The following OCLN variants were observed in gnomAD, a reference collection of about 807,000 sequenced individuals.
The protein encoded by OCLN is phosphatase 1, regulatory subunit 115.
In OCLN, 21 loss-of-function variants were observed where a neutral mutation model predicts 47.9. That is an observed-to-expected ratio of 0.44 (90% confidence interval 0.31 to 0.63). The LOEUF (loss-of-function observed/expected upper bound fraction) is 0.63. Among genes scored for constraint, OCLN ranks in the 30% least tolerant of loss-of-function variants. The probability of loss-of-function intolerance (pLI) is 0.08; values close to 1 mark genes in which losing one functional copy is unlikely to be tolerated. For missense variants in OCLN, 360 were observed against 571.0 expected, an observed-to-expected ratio of 0.63 and a Z score of 3.77; for synonymous variants, 117 against 198.4, an observed-to-expected ratio of 0.59 and a Z score of 3.45.
chr5:69,533,951 C>T (rs562635063), intron 4 of OCLN, among the ~76,000 whole-genome samples: 11 of 152,312 alleles, frequency 7.2e-5, no homozygotes, highest in South Asian at 2.1e-4. Context: ...TGAGCCACCG[C>T]GCCCGGCCTA....
chr5:69,496,883 C>G (rs541272620), intron 1 of OCLN, among the ~76,000 whole-genome samples: 1 of 152,204 alleles, frequency 6.6e-6, no homozygotes, highest in Admixed American at 6.5e-5. Flanking sequence ...TCTAATTTAG[C>G]TGTCTGACTT....
At chr5:69,513,735 G>A (rs758587450) in intron 3 of OCLN, among the ~76,000 whole-genome samples, 3 of 151,894 alleles carry the variant, frequency 2.0e-5, no homozygotes, top group Non-Finnish European at 2.9e-5. Context: ...CAGTATGTAC[G>A]TGTGTGTACA....
chr5:69,504,259 T>G lies in OCLN; in HGVS notation c.15T>G (p.Pro5=), dbSNP rs774694581. 1 of 1,609,852 alleles carries G rather than the reference T, an allele frequency of 6.2e-7. No homozygotes were observed. Among genetic ancestry groups the G allele is most frequent in the Admixed American group, 1.7e-5 (1 of 60,022 alleles). Residue 5 remains proline, a synonymous_variant, in exon 2 of 9, where the codon CCT becomes CCG. Transcript: ENST00000396442. ...GACAATCAGCCATGTCATCCAGGCC[T>G]CTTGAAAGTCCACCTCCTTACAGGC... is the stretch of plus-strand genomic sequence containing the variant. MSSR[P]LESPPPYRPD... is the part of the protein sequence containing the mutation.
chr5:69,495,994 A>G (rs1203147141), intron 1 of OCLN, among the ~76,000 whole-genome samples: 1 of 152,192 alleles, frequency 6.6e-6, no homozygotes, highest in Non-Finnish European at 1.5e-5. Context: ...TAAAAATACA[A>G]TTTCTGACAC....
At chr5:69,502,196 C>CA (rs575237563) in intron 1 of OCLN, among the ~76,000 whole-genome samples, 2,650 of 74,424 alleles carry the variant, frequency 0.036, 32 homozygotes, top group Middle Eastern at 0.082. Context: ...AGACTCGGCT[C>CA]AAAAAAAAAA....
In OCLN at chr5:69,509,340, GC is replaced by G. The variant is rs863225128; in HGVS notation, c.252del (p.Ser85ProfsTer14). On this transcript the variant is annotated frameshift_variant, in exon 3 of 9. Transcript: ENST00000396442. LOFTEE classifies it high-confidence loss of function. ...VMCIAIFACV[A>X]STLAWDRGYG... ...GTGCATTGCCATCTTTGCCTGTGTG[GC>G]CTCCACGCTTGCCTGGGACAGAGGC... is the stretch of plus-strand genomic sequence containing the variant. 6.2e-7 allele frequency: 1 copy of G among 1,614,172 alleles called. No individual in the cohort carries two copies. Among genetic ancestry groups the G allele is most frequent in the South Asian group, 1.1e-5 (1 of 91,082 alleles).
At chr5:69,535,767 C>T (rs1359617256) in intron 5 of OCLN, among the ~76,000 whole-genome samples, 2 of 149,424 alleles carry the variant, frequency 1.3e-5, no homozygotes, top group Admixed American at 6.7e-5. Context: ...CTCTAGGCAG[C>T]GGTAATACAG....
chr5:69,548,267 G>C (rs1316112686), intron 7 of OCLN, among the ~76,000 whole-genome samples, 166 bp downstream of exon 7: 1 of 140,096 alleles, frequency 7.1e-6, no homozygotes, highest in African/African-American at 2.6e-5. Context: ...TTTCCTAATA[G>C]AAGATTGTAC....
intron 4 of OCLN, among the ~76,000 whole-genome samples, chr5:69,529,668 A>G (rs112124394): frequency 0.082 from 12,417 of 151,912 alleles, 1,677 homozygotes; most frequent in African/African-American, 0.28. Flanking sequence ...CAGTGGTGCA[A>G]TCTCGGCACA....
intron 4 of OCLN, among the ~76,000 whole-genome samples, chr5:69,524,736 G>A (rs577526332): frequency 1.1e-4 from 17 of 152,284 alleles, no homozygotes; most frequent in Non-Finnish European, 2.1e-4. Context: ...GCCTGGGCTG[G>A]AATGTAGTGG....
intron 7 of OCLN, among the ~76,000 whole-genome samples, chr5:69,548,842 C>T (rs1162149745): frequency 6.6e-6 from 1 of 150,480 alleles, no homozygotes; most frequent in Non-Finnish European, 1.5e-5. Flanking sequence ...ACCTGTAATC[C>T]CAGCTACTCG....
At chr5:69,525,131 G>T (rs1438741351) in intron 4 of OCLN, among the ~76,000 whole-genome samples, 1 of 151,488 alleles carries the variant, frequency 6.6e-6, no homozygotes, top group African/African-American at 2.4e-5. Context: ...TTGAGACAGG[G>T]TCTCGCTCTG....
At position 69,504,205 on chromosome 5, in the gene OCLN, T is replaced by C; in HGVS notation, c.-40T>C. On this transcript the variant is annotated 5_prime_UTR_variant, in exon 2 of 9. Transcript: ENST00000396442. ...GGTTTATCTTGGAAGCTAAAGGGCA[T>C]TGCTCATCCTGAAGATCAGCTGACC... is the stretch of plus-strand genomic sequence containing the variant. 6.8e-7 allele frequency: 1 copy of C among 1,465,412 alleles called. No homozygotes were observed. Among genetic ancestry groups the C allele is most frequent in the South Asian group, 1.1e-5 (1 of 88,040 alleles). 90.8% of individuals were successfully genotyped at this position (1,465,412 alleles called of 1,614,324 possible).
At chr5:69,501,472 A>G (rs1032332017) in intron 1 of OCLN, among the ~76,000 whole-genome samples, 9 of 152,230 alleles carry the variant, frequency 5.9e-5, no homozygotes, top group Admixed American at 4.6e-4. Context: ...TCTACTAAAA[A>G]TACAAAAATT....
intron 3 of OCLN, among the ~76,000 whole-genome samples, chr5:69,511,812 G>A (rs1324716200): frequency 2.0e-5 from 3 of 152,054 alleles, no homozygotes; most frequent in Non-Finnish European, 4.4e-5. Flanking sequence ...ATCACCTGAG[G>A]TCAGGAGTTC....
intron 7 of OCLN, among the ~76,000 whole-genome samples, chr5:69,550,361 T>G (rs1158288522): frequency 6.8e-6 from 1 of 146,030 alleles, no homozygotes; most frequent in African/African-American, 2.5e-5. Context: ...CTGACTAATT[T>G]TTGTATTTTT....
intron 3 of OCLN, among the ~76,000 whole-genome samples, chr5:69,512,666 T>C (rs948550245): frequency 6.6e-6 from 1 of 152,236 alleles, no homozygotes; most frequent in Non-Finnish European, 1.5e-5. Flanking sequence ...TTACAAGTCT[T>C]CTGATTCATG....
intron 5 of OCLN, among the ~76,000 whole-genome samples, chr5:69,536,431 GA>G (rs1431854038): frequency 7.3e-6 from 1 of 136,374 alleles, no homozygotes; most frequent in Non-Finnish European, 1.6e-5. Flanking sequence ...CACACTTTGG[GA>G]GGCCCAGGTG....
At chr5:69,534,871 G>A (rs1412657964) in intron 5 of OCLN, 32 bp downstream of exon 5, 1 of 1,543,852 alleles carries the variant, frequency 6.5e-7, no homozygotes, top group Non-Finnish European at 8.8e-7. Flanking sequence ...TTGATAGACT[G>A]AGTGTAAAAA....
Sources: allele counts gnomAD v4.1 joint callset (sites outside exome capture counted in the v4.1 genomes callset), GRCh38; gene constraint gnomAD v4.1.1; transcripts MANE v1.5; gene names NCBI Gene and HGNC (gene_info 2026-07-23, HGNC 2026-07-21).